TNNI3K: variants seen among roughly 807,000 people sequenced by gnomAD.
TNNI3K encodes serine/threonine-protein kinase TNNI3K.
A neutral mutation model predicts 114.5 loss-of-function variants in TNNI3K; 140 were observed. That is an observed-to-expected ratio of 1.22 (90% CI 1.07 to 1.41). The LOEUF is 1.41. TNNI3K is among the 40% of genes most tolerant of loss of function. TNNI3K has a pLI of 0.00. For synonymous variants in TNNI3K, 347 were observed against 347.5 expected (o/e 1.00, Z 0.02); for missense variants, 1,125 against 1,007.6 (o/e 1.12, Z -1.58).
intron 21 of TNNI3K, among the ~76,000 whole-genome samples, chr1:74,467,013 A>G (rs1387541519): frequency 2.0e-5 from 3 of 152,098 alleles, no homozygotes; most frequent in African/African-American, 7.2e-5. Flanking sequence ...AAACAATACT[A>G]CTCGCAAGTT....
At chr1:74,487,468 T>C (rs1458866565) in intron 21 of TNNI3K, among the ~76,000 whole-genome samples, 2 of 152,092 alleles carry the variant, frequency 1.3e-5, no homozygotes, top group Non-Finnish European at 2.9e-5. Flanking sequence ...CATGGGAGAT[T>C]AGAGGGTCAA....
chr1:74,528,767 C>T (rs1023749977), intron 23 of TNNI3K, among the ~76,000 whole-genome samples: 1 of 152,164 alleles, frequency 6.6e-6, no homozygotes, highest in African/African-American at 2.4e-5. Context: ...TAAATGAAAG[C>T]ACCTGGGAGG....
intron 24 of TNNI3K, among the ~76,000 whole-genome samples, chr1:74,540,617 A>AC (rs1397162992): frequency 6.6e-6 from 1 of 151,998 alleles, no homozygotes; most frequent in African/African-American, 2.4e-5. Flanking sequence ...AAAAAAAAAA[A>AC]AAAACTCCTT....
intron 17 of TNNI3K, chr1:74,374,181 T>C (rs1662757903): frequency 6.6e-6 from 1 of 151,912 alleles, no homozygotes; most frequent in Non-Finnish European, 1.5e-5. Flanking sequence ...CCATGGTTAG[T>C]TGAATCCACA....
At chr1:74,346,514 T>G (rs1361148564) in intron 9 of TNNI3K, among the ~76,000 whole-genome samples, 1 of 152,022 alleles carries the variant, frequency 6.6e-6, no homozygotes, top group African/African-American at 2.4e-5. Context: ...TACAGCTCTT[T>G]TCTTAAAGTT....
chr1:74,486,201 A>AAGAGAGAGAGAGAGAGAGAG lies in TNNI3K; in HGVS notation c.2122-2975_2122-2956dup, dbSNP rs58506314. On this transcript the variant is annotated intron_variant, in intron 21 of 24. Transcript: ENST00000326637. ...GTCTACCCTCAGGCTAAATGCTATAAAGAGAGAGAGAGAGAGAGAGAGAGA... is the reference window on the plus strand; with the variant it reads ...GTCTACCCTCAGGCTAAATGCTATAAAGAGAGAGAGAGAGAGAGAGAGAGAGAGAGAGAGAGAGAGAGAGA... 5.2e-3 allele frequency among the ~76,000 whole-genome samples: 711 copies of AAGAGAGAGAGAGAGAGAGAG among 136,446 alleles called. 4 individuals are homozygous for AAGAGAGAGAGAGAGAGAGAG. Among genetic ancestry groups the AAGAGAGAGAGAGAGAGAGAG allele is most frequent in the African/African-American group, 0.011 (407 of 38,078 alleles). The allele number at this position is 136,446 out of a possible 152,430, so 89.5% of individuals were successfully genotyped here.
intron 5 of TNNI3K, among the ~76,000 whole-genome samples, chr1:74,280,515 C>A (rs1305154015): frequency 2.0e-5 from 3 of 152,168 alleles, no homozygotes; most frequent in Admixed American, 6.5e-5. Flanking sequence ...ATCCATGTGT[C>A]TGGGAGAGAG....
intron 21 of TNNI3K, among the ~76,000 whole-genome samples, chr1:74,486,492 GT>G (rs1370637601): frequency 8.5e-6 from 1 of 117,748 alleles, no homozygotes; most frequent in East Asian, 2.6e-4. Flanking sequence ...TTTTGTGTGT[GT>G]TTTTTGTTTT....
intron 6 of TNNI3K, among the ~76,000 whole-genome samples, chr1:74,331,918 G>C (rs1570475012): frequency 1.3e-5 from 2 of 152,162 alleles, no homozygotes; most frequent in South Asian, 4.1e-4. Flanking sequence ...AACCTCATAG[G>C]GTTGCTGTTA....
rs532999591 is a variant in TNNI3K at position 74,517,461 on chromosome 1, G to T, written c.2352-22773G>T. On this transcript the variant is annotated intron_variant, in intron 23 of 24. Coordinates refer to ENST00000326637, the MANE Select transcript of TNNI3K (RefSeq NM_015978.3). ...GGTACTGTGCTGGTGGTACCAGGCT[G>T]GACAGGAAATGGTAAATGGGTCAAC... Among the ~76,000 whole-genome samples, 285 of 152,272 alleles carry T rather than the reference G, an allele frequency of 1.9e-3. 1 individual carries two copies. Among genetic ancestry groups the T allele is most frequent in the Non-Finnish European group, 3.2e-3 (221 of 68,030 alleles).
At chr1:74,429,357 G>GT (rs1665784597) in intron 17 of TNNI3K, among the ~76,000 whole-genome samples, 2 of 152,094 alleles carry the variant, frequency 1.3e-5, no homozygotes, top group African/African-American at 2.4e-5. Context: ...ACTTGGAAGA[G>GT]TTTTTTAGGA....
At chr1:74,249,012 T>G (rs1446893637) in intron 2 of TNNI3K, among the ~76,000 whole-genome samples, 1 of 152,200 alleles carries the variant, frequency 6.6e-6, no homozygotes, top group Non-Finnish European at 1.5e-5. Context: ...TTGACTTTTC[T>G]TGGCCTTTTA....
intron 9 of TNNI3K, among the ~76,000 whole-genome samples, chr1:74,344,368 A>T (rs1660893578): frequency 6.6e-6 from 1 of 152,236 alleles, no homozygotes; most frequent in African/African-American, 2.4e-5. Context: ...AAGCTAAGTA[A>T]CTTGCCAAAG....
In TNNI3K at chr1:74,543,064, C is replaced by CTTTTTTTTTTTTTTTTTTTTTT. The variant is rs60688934; in HGVS notation, c.2432-834_2432-813dup. Among the ~76,000 whole-genome samples, 44 of 6,750 alleles carry CTTTTTTTTTTTTTTTTTTTTTT rather than the reference C, an allele frequency of 6.5e-3. 22 individuals are homozygous for CTTTTTTTTTTTTTTTTTTTTTT. Among genetic ancestry groups the CTTTTTTTTTTTTTTTTTTTTTT allele is most frequent in the African/African-American group, 6.8e-3 (16 of 2,370 alleles). 4.4% of individuals were successfully genotyped at this position (6,750 alleles called of 152,430 possible). The stretch of plus-strand genomic sequence containing the variant: ...CTTTTCCTTTTCTTTTTCTTTTTCC[C>CTTTTTTTTTTTTTTTTTTTTTT]TTTTTTTTTTTTTTTTTTTTTTTTT... On this transcript the variant is annotated intron_variant, in intron 24 of 24. Transcript: ENST00000326637.
chr1:74,474,967 A>T (rs1332947236), intron 21 of TNNI3K, among the ~76,000 whole-genome samples: 2 of 151,582 alleles, frequency 1.3e-5, no homozygotes, highest in Non-Finnish European at 2.9e-5. Flanking sequence ...TAGCTATCCC[A>T]TAGATCTTAA....
At chr1:74,255,782 G>C (rs1248700402) in intron 4 of TNNI3K, among the ~76,000 whole-genome samples, 3 of 152,196 alleles carry the variant, frequency 2.0e-5, no homozygotes, top group African/African-American at 7.2e-5. Context: ...CCATTTTGCA[G>C]TCAGTCTCCT....
chr1:74,248,501 C>T (rs909672792), intron 2 of TNNI3K, among the ~76,000 whole-genome samples: 1 of 152,230 alleles, frequency 6.6e-6, no homozygotes, highest in Non-Finnish European at 1.5e-5. Context: ...GCGCTTACTA[C>T]AGTATCTGGC....
At chr1:74,386,604 C>T (rs1358219250) in intron 17 of TNNI3K, among the ~76,000 whole-genome samples, 1 of 152,114 alleles carries the variant, frequency 6.6e-6, no homozygotes, top group Non-Finnish European at 1.5e-5. Flanking sequence ...AATCAGACTT[C>T]TTCAAAATTA....
intron 5 of TNNI3K, among the ~76,000 whole-genome samples, chr1:74,324,470 T>C (rs967853045): frequency 2.0e-5 from 3 of 152,190 alleles, no homozygotes; most frequent in Non-Finnish European, 2.9e-5. Flanking sequence ...ATCTGCTCAA[T>C]AGGACTTTCT....
Sources: gnomAD v4.1 joint callset for allele counts (sites outside exome capture counted in the v4.1 genomes callset) on GRCh38, gnomAD v4.1.1 for gene constraint, MANE v1.5 for transcripts, NCBI Gene and HGNC (gene_info 2026-07-23, HGNC 2026-07-21) for gene names.